Variants in TEX48 observed in about 807,000 individuals in gnomAD.
The protein encoded by TEX48 is testis-expressed protein 48.
In TEX48, 10 loss-of-function variants were observed where a neutral mutation model predicts 13.2. That is an observed-to-expected ratio of 0.75 (90% CI 0.47 to 1.28). The LOEUF (loss-of-function observed/expected upper bound fraction) is 1.28, where lower values mean the gene tolerates loss of function less well. TEX48 is among the 50% of genes most tolerant of loss of function. The probability of loss-of-function intolerance (pLI) is 0.00; values close to 1 mark genes in which losing one functional copy is unlikely to be tolerated. For synonymous variants in TEX48, 45 were observed against 52.3 expected (o/e 0.86, Z 0.60); for missense variants, 116 against 139.4 (o/e 0.83, Z 0.84).
chr9:114,680,646 A>G (rs943770397), intron 1 of TEX48, among the ~76,000 whole-genome samples: 1 of 152,104 alleles, frequency 6.6e-6, no homozygotes, highest in Non-Finnish European at 1.5e-5. Flanking sequence ...GATCTGGACA[A>G]TCTTGGAGGG....
At chr9:114,681,876 G>C (rs1025299507) in intron 1 of TEX48, among the ~76,000 whole-genome samples, 159 bp downstream of exon 1, 2 of 151,708 alleles carry the variant, frequency 1.3e-5, no homozygotes, top group Non-Finnish European at 2.9e-5. Context: ...CTGGGACCCA[G>C]AGAGAGAGAG....
intron 1 of TEX48, among the ~76,000 whole-genome samples, 169 bp downstream of exon 1, chr9:114,681,866 C>A (rs1381453646): frequency 6.6e-6 from 1 of 152,018 alleles, no homozygotes; most frequent in Non-Finnish European, 1.5e-5. Context: ...CAGGTGGAGA[C>A]TGGGACCCAG....
At chr9:114,675,479 A>T (rs910472590) in intron 1 of TEX48, among the ~76,000 whole-genome samples, 1 of 152,176 alleles carries the variant, frequency 6.6e-6, no homozygotes, top group African/African-American at 2.4e-5. Flanking sequence ...GCCTCCTGCC[A>T]TCTGCTCGTG....
At chr9:114,676,273 C>T (rs756823180) in intron 1 of TEX48, among the ~76,000 whole-genome samples, 2 of 152,200 alleles carry the variant, frequency 1.3e-5, no homozygotes, top group Non-Finnish European at 2.9e-5. Flanking sequence ...AAGCGATTTC[C>T]CTGCCTCAGC....
At chr9:114,668,424 G>A (rs1040580606) in intron 3 of TEX48, 87 bp from the exon 4 acceptor site, 37 of 1,231,508 alleles carry the variant, frequency 3.0e-5, no homozygotes, top group Admixed American at 2.6e-4. Flanking sequence ...CTGAAGCAGC[G>A]CACACAGGCA....
chr9:114,676,932 T>C (rs1161661299), intron 1 of TEX48, among the ~76,000 whole-genome samples: 1 of 152,180 alleles, frequency 6.6e-6, no homozygotes, highest in African/African-American at 2.4e-5. Context: ...CACTTTTGTA[T>C]CCTCAGCACT....
At chr9:114,676,267 G>T (rs938187465) in intron 1 of TEX48, among the ~76,000 whole-genome samples, 4 of 152,094 alleles carry the variant, frequency 2.6e-5, no homozygotes, top group Admixed American at 2.0e-4. Context: ...AGGTGCAAGC[G>T]ATTTCCCTGC....
At chr9:114,675,007 T>C (rs1828036672) in intron 1 of TEX48, among the ~76,000 whole-genome samples, 1 of 152,072 alleles carries the variant, frequency 6.6e-6, no homozygotes, top group Non-Finnish European at 1.5e-5. Flanking sequence ...GCTAAATTAC[T>C]GTGTTGAAGG....
rs949335728 is a variant in TEX48 at position 114,666,652 on chromosome 9, C to T, written c.354G>A (p.Gly118=). Residue 118 remains glycine (G), a synonymous_variant, in exon 5 of 5, where the codon GGG becomes GGA. Transcript: ENST00000436752. ...EHWPFQPCLT[G]RP ...CCGCCGGCTAGAATGCTCAGGGCCT[C>T]CCAGTGAGGCATGGCTGGAATGGCC... The T allele has an allele frequency of 2.0e-6, 3 of 1,529,300 alleles. No homozygotes were observed. The highest frequency in any genetic ancestry group is 2.6e-6 in the Non-Finnish European group (3 of 1,142,444). The allele number at this position is 1,529,300 out of a possible 1,614,324, so 94.7% of individuals were successfully genotyped here.
At chr9:114,671,628 C>A in intron 2 of TEX48, 92 bp downstream of exon 2, 2 of 1,528,128 alleles carry the variant, frequency 1.3e-6, no homozygotes, top group South Asian at 1.2e-5. Flanking sequence ...ATATAATACT[C>A]CTCCCCTCTC....
In TEX48 at chr9:114,666,650, C is replaced by A. The variant is rs916395944; in HGVS notation, c.356G>T (p.Arg119Met). Residue 119 changes from arginine to methionine, a missense_variant, in exon 5 of 5, where the codon AGG becomes ATG. Transcript: ENST00000436752. ...HWPFQPCLTG[R>M]P ...AGCCGCCGGCTAGAATGCTCAGGGC[C>A]TCCCAGTGAGGCATGGCTGGAATGG... is the stretch of plus-strand genomic sequence containing the variant. 1 of 1,527,492 alleles carries A rather than the reference C, an allele frequency of 6.5e-7. No homozygotes were observed. The highest frequency in any genetic ancestry group is 1.4e-5 in the African/African-American group (1 of 72,712). The allele number at this position is 1,527,492 out of a possible 1,614,324, so 94.6% of individuals were successfully genotyped here.
At chr9:114,670,842 C>T in intron 3 of TEX48, among the ~76,000 whole-genome samples, 1 of 152,102 alleles carries the variant, frequency 6.6e-6, no homozygotes. Context: ...CTACTCTGTG[C>T]CAGACCCTGA....
At chr9:114,670,326 C>T (rs1340157946) in intron 3 of TEX48, among the ~76,000 whole-genome samples, 22 of 152,128 alleles carry the variant, frequency 1.4e-4, no homozygotes, top group Admixed American at 1.4e-3. Context: ...TGTGACTCTA[C>T]TTCCAGGGAA....
chr9:114,671,961 C>T (rs1376052103), intron 1 of TEX48, 134 bp from the exon 2 acceptor site: 2 of 575,756 alleles, frequency 3.5e-6, no homozygotes, highest in African/African-American at 3.7e-5. Context: ...TCAGATAGCT[C>T]TGTGTCCTAC....
At chr9:114,680,214 GC>G (rs1169138158) in intron 1 of TEX48, among the ~76,000 whole-genome samples, 1 of 135,698 alleles carries the variant, frequency 7.4e-6, no homozygotes, top group Non-Finnish European at 1.5e-5. Context: ...TGCAACCTCC[GC>G]CTCCTGGGTT....
At chr9:114,667,905 C>CAAA (rs1176250476) in intron 4 of TEX48, among the ~76,000 whole-genome samples, 19,424 of 60,250 alleles carry the variant, frequency 0.32, 3,940 homozygotes, top group African/African-American at 0.43. Context: ...GACTCCATCT[C>CAAA]AAAAAAAAAA....
At chr9:114,673,117 G>A (rs1827978933) in intron 1 of TEX48, among the ~76,000 whole-genome samples, 1 of 151,880 alleles carries the variant, frequency 6.6e-6, no homozygotes, top group Admixed American at 6.6e-5. Context: ...TGGCTGAAAA[G>A]TTACTAAATT....
chr9:114,679,692 G>A (rs762543028), intron 1 of TEX48, among the ~76,000 whole-genome samples: 1 of 152,206 alleles, frequency 6.6e-6, no homozygotes, highest in Admixed American at 6.5e-5. Flanking sequence ...GGTGGACTAT[G>A]TCTTCTTACA....
intron 1 of TEX48, among the ~76,000 whole-genome samples, chr9:114,680,226 C>G (rs1449531763): frequency 2.1e-5 from 3 of 142,556 alleles, no homozygotes; most frequent in African/African-American, 7.9e-5. Flanking sequence ...CTCCTGGGTT[C>G]AAGCGATTCT....
Sources: allele counts gnomAD v4.1 joint callset (sites outside exome capture counted in the v4.1 genomes callset), GRCh38; gene constraint gnomAD v4.1.1; transcripts MANE v1.5; gene names NCBI Gene and HGNC (gene_info 2026-07-23, HGNC 2026-07-21).